USP30: variants seen among roughly 807,000 people sequenced by gnomAD.
USP30 encodes the protein ubiquitin specific peptidase 30.
In USP30, 41 loss-of-function variants were observed where a neutral mutation model predicts 68.2. That is an observed-to-expected ratio of 0.60 (90% CI 0.47 to 0.78). USP30 has a LOEUF of 0.78. Ranked by LOEUF, USP30 falls within the 30% of genes least tolerant of loss-of-function variation. The pLI, the probability that USP30 is intolerant of heterozygous loss-of-function variation, is 0.00. For missense variants in USP30, 522 were observed against 649.4 expected (o/e 0.80, Z 2.13); for synonymous variants, 229 against 253.7 (o/e 0.90, Z 0.93).
At chr12:109,079,360 T>C (rs1157695625) in intron 7 of USP30, among the ~76,000 whole-genome samples, 4 of 116,658 alleles carry the variant, frequency 3.4e-5, no homozygotes, top group Non-Finnish European at 7.1e-5. Flanking sequence ...TCTTTTTTTT[T>C]TTTTTTTTTT....
Position 109,067,643 on chromosome 12 carries a change from G to C in USP30, c.480+16G>C, listed in dbSNP as rs368834907. On this transcript the variant is annotated intron_variant, in intron 4 of 12. Coordinates refer to ENST00000257548, the MANE Select transcript of USP30 (RefSeq NM_032663.5). ...TGAAGAACAGGTGAGTACAACATTT[G>C]AACAGGTTTAGCTTGGAGAATCCTT... The C allele has an allele frequency of 5.0e-6, 8 of 1,610,896 alleles. No individual in the cohort carries two copies. The South Asian group carries it at 6.6e-5, about 13-fold the overall frequency.
At chr12:109,024,392 G>A (rs563739944) in intron 1 of USP30, among the ~76,000 whole-genome samples, 1 of 151,860 alleles carries the variant, frequency 6.6e-6, no homozygotes, top group East Asian at 1.9e-4. Flanking sequence ...CGAATAGCTG[G>A]GATTACAGGT....
rs78885554 is a variant in USP30, at chr12:109,081,384, C to T, written c.771C>T (p.Ala257=). ...ATAGCCTTTCACTAAGTATTCCAGC[C>T]GCCACATGGGTATGTACTGATTTAT... The part of the protein sequence containing the change: ...TFDSLSLSIP[A]ATWGHPLTLD... The change falls in exon 8 of 13, where the codon GCC becomes GCT. Residue 257 remains alanine, a synonymous_variant. Transcript: ENST00000257548. 7,935 of 1,613,986 alleles carry T rather than the reference C, an allele frequency of 4.9e-3. 491 individuals are homozygous for T. The East Asian group carries it at 0.14, about 29-fold the overall frequency.
chr12:109,064,036 G>A (rs1593259700), intron 3 of USP30, among the ~76,000 whole-genome samples: 1 of 151,978 alleles, frequency 6.6e-6, no homozygotes, highest in African/African-American at 2.4e-5. Flanking sequence ...ACCACACCCA[G>A]CTAATTTTTG....
At chr12:109,038,189 G>A (rs2040535788) in intron 3 of USP30, among the ~76,000 whole-genome samples, 1 of 98,876 alleles carries the variant, frequency 1.0e-5, no homozygotes, top group Non-Finnish European at 1.9e-5. Flanking sequence ...AAAGGCCCCA[G>A]TGTATGTTGG....
intron 7 of USP30, among the ~76,000 whole-genome samples, chr12:109,079,351 CTTTTTT>C (rs71079521): frequency 6.1e-5 from 3 of 48,796 alleles, no homozygotes; most frequent in African/African-American, 2.5e-4. Flanking sequence ...TTTTTTTTTT[CTTTTTT>C]TTTTTTTTTT....
At chr12:109,055,400 A>ATATATATATATATT (rs1298811530) in intron 1 of USP30, among the ~76,000 whole-genome samples, 3 of 24,468 alleles carry the variant, frequency 1.2e-4, no homozygotes, top group African/African-American at 2.2e-4. Flanking sequence ...ATATATATAT[A>ATATATATATATATT]TTTTTTTTTT....
intron 3 of USP30, among the ~76,000 whole-genome samples, chr12:109,060,773 G>C (rs1284089110): frequency 6.6e-6 from 1 of 151,904 alleles, no homozygotes; most frequent in Non-Finnish European, 1.5e-5. Flanking sequence ...TCCTGCCTCA[G>C]CCTCCCGAGT....
At chr12:109,063,788 A>C (rs2041155902) in intron 3 of USP30, among the ~76,000 whole-genome samples, 1 of 151,624 alleles carries the variant, frequency 6.6e-6, no homozygotes, top group Non-Finnish European at 1.5e-5. Flanking sequence ...AGTTATATTG[A>C]GCATCTTTTC....
chr12:109,084,255 AACT>A (rs1371531182), intron 11 of USP30, among the ~76,000 whole-genome samples: 1 of 152,232 alleles, frequency 6.6e-6, no homozygotes, highest in Non-Finnish European at 1.5e-5. Context: ...GTCATCAGGA[AACT>A]ACTTGGTACA....
chr12:109,062,923 T>G (rs1295125924), intron 3 of USP30, among the ~76,000 whole-genome samples: 1 of 152,086 alleles, frequency 6.6e-6, no homozygotes, highest in Non-Finnish European at 1.5e-5. Flanking sequence ...CTCTTTGAAT[T>G]TGACTCAGAC....
rs927269234 is a variant in USP30 at position 109,087,758 on chromosome 12, G to C, written c.*1827G>C. 4.5e-5 allele frequency: 7 copies of C among 154,106 alleles called. No individual in the cohort carries two copies. The highest frequency in any genetic ancestry group is 1.4e-4 in the African/African-American group (6 of 41,476). The allele number at this position is 154,106 out of a possible 1,614,324, so 9.5% of individuals were successfully genotyped here. ...AGATCTTTCTTTGGTCAGAGACCAGGGTTTGAGCCAAGGCTGTAAATGTGA... is the reference window on the plus strand; with the variant it reads ...AGATCTTTCTTTGGTCAGAGACCAGCGTTTGAGCCAAGGCTGTAAATGTGA... On this transcript the variant is annotated 3_prime_UTR_variant, in exon 13 of 13. Coordinates refer to ENST00000257548, the MANE Select transcript of USP30 (RefSeq NM_032663.5).
Position 109,073,670 on chromosome 12 carries a change from T to G in USP30, c.720+138T>G, listed in dbSNP as rs1030365587. The G allele has an allele frequency of 2.1e-5, 15 of 697,744 alleles. No individual in the cohort carries two copies. In the East Asian group the frequency reaches 3.8e-4, roughly 18 times the overall value. 43.2% of individuals were successfully genotyped at this position (697,744 alleles called of 1,614,324 possible). A position where few individuals can be genotyped will look rare whatever the true frequency, so the allele number is the denominator to read the frequency against. ...GGCCTCTGCACACTAGTGGACTGAC[T>G]ACCCCACTTTGGTCAGTGTCAGCAT... On this transcript the variant is annotated intron_variant, in intron 7 of 12. Coordinates refer to ENST00000257548, the MANE Select transcript of USP30 (RefSeq NM_032663.5).
chr12:109,028,973 T>C (rs570276557), intron 3 of USP30, among the ~76,000 whole-genome samples: 4 of 152,276 alleles, frequency 2.6e-5, no homozygotes, highest in South Asian at 2.1e-4. Flanking sequence ...TCCTTGAGAT[T>C]TGAAAATATT....
chr12:109,049,366 G>A (rs537714071), upstream of USP30, among the ~76,000 whole-genome samples: 1 of 152,098 alleles, frequency 6.6e-6, no homozygotes, highest in African/African-American at 2.4e-5. Flanking sequence ...TGAGAGAGAG[G>A]GGGGAACAGC....
rs1020460989 is a variant in USP30, at chr12:109,052,578, G to A, written c.-101G>A. 3 of 1,239,212 alleles carry A rather than the reference G, an allele frequency of 2.4e-6. No homozygotes were observed. The highest frequency in any genetic ancestry group is 7.3e-5 in the Admixed American group (2 of 27,458). 76.8% of individuals were successfully genotyped at this position (1,239,212 alleles called of 1,614,324 possible). On this transcript the variant is annotated 5_prime_UTR_variant, in exon 1 of 13. Coordinates refer to ENST00000257548, the MANE Select transcript of USP30 (RefSeq NM_032663.5). ...CGTTCCCCCGAGGTGCTGGGACTGC[G>A]GCCGCAGGTTCCGCTGTCTCGGGAA...
Position 109,088,014 on chromosome 12 carries a change from T to TA in USP30, c.*2084dup, listed in dbSNP as rs943218766. On this transcript the variant is annotated 3_prime_UTR_variant, in exon 13 of 13. Coordinates refer to ENST00000257548, the MANE Select transcript of USP30 (RefSeq NM_032663.5). This position sits in a 1 kb window ranked among gnomAD's most constrained non-coding sequence, Gnocchi z 4.2. ...TATAGCAATAAAATAATCATTTTGTTAGAAAAAAATCACCTGGTGTTCTTT... is the reference window on the plus strand; with the variant it reads ...TATAGCAATAAAATAATCATTTTGTTAAGAAAAAAATCACCTGGTGTTCTTT... The TA allele has an allele frequency of 2.0e-6, 1 of 499,196 alleles. No individual in the cohort carries two copies. Among genetic ancestry groups the TA allele is most frequent in the African/African-American group, 1.9e-5 (1 of 51,880 alleles). 30.9% of individuals were successfully genotyped at this position (499,196 alleles called of 1,614,324 possible).
intron 3 of USP30, among the ~76,000 whole-genome samples, chr12:109,028,451 C>CT (rs59198049): frequency 0.054 from 8,059 of 148,336 alleles, 647 homozygotes; most frequent in African/African-American, 0.18. Flanking sequence ...GTGCCACACC[C>CT]TTTTTTTTTT....
At chr12:109,047,149 T>C (rs2040612394) in intron 3 of USP30, among the ~76,000 whole-genome samples, 1 of 147,508 alleles carries the variant, frequency 6.8e-6, no homozygotes, top group Non-Finnish European at 1.5e-5. Flanking sequence ...GGGTTTAGTG[T>C]GAACAACAGA....
Sources: allele counts gnomAD v4.1 joint callset (sites outside exome capture counted in the v4.1 genomes callset), GRCh38; gene constraint gnomAD v4.1.1; non-coding constraint Gnocchi (gnomAD v3.1); transcripts MANE v1.5; gene names NCBI Gene and HGNC (gene_info 2026-07-23, HGNC 2026-07-21).